ZNF208: variants seen among roughly 807,000 people sequenced by gnomAD.
The protein encoded by ZNF208 is zinc finger protein 95.
A neutral mutation model predicts 12.1 loss-of-function variants in ZNF208; 10 were observed. That is an observed-to-expected ratio of 0.83 (90% confidence interval 0.51 to 1.40). The LOEUF is 1.40. Among genes scored for constraint, ZNF208 ranks in the 40% most tolerant of loss-of-function variants. ZNF208 has a pLI of 0.00. For synonymous variants in ZNF208, 497 were observed against 488.4 expected (o/e 1.02, Z -0.23); for missense variants, 1,652 against 1,485.0 (o/e 1.11, Z -1.85).
chr19:21,990,359 C>G (rs541658269), intron 1 of ZNF208, among the ~76,000 whole-genome samples: 1 of 152,144 alleles, frequency 6.6e-6, no homozygotes, highest in African/African-American at 2.4e-5. Flanking sequence ...CCCATTACTT[C>G]TTTTTCTCAG....
At chr19:21,990,441 A>T (rs1266673395) in intron 1 of ZNF208, among the ~76,000 whole-genome samples, 2 of 24,572 alleles carry the variant, frequency 8.1e-5, no homozygotes, top group East Asian at 2.1e-3. Context: ...CCATTGATCT[A>T]TATCTCTGAT....
chr19:22,005,154 C>T (rs1324347100), intron 1 of ZNF208, among the ~76,000 whole-genome samples: 1 of 151,890 alleles, frequency 6.6e-6, no homozygotes, highest in Non-Finnish European at 1.5e-5. Flanking sequence ...TGGTTTTTGG[C>T]CAAAAAAACC....
At chr19:21,943,005 C>G (rs1325021831) in intron 4 of ZNF208, among the ~76,000 whole-genome samples, 1 of 152,152 alleles carries the variant, frequency 6.6e-6, no homozygotes, top group African/African-American at 2.4e-5. Flanking sequence ...GCACATTTAT[C>G]AAGTTGCTTG....
chr19:22,010,522 G>A (rs1971127186), intron 1 of ZNF208, among the ~76,000 whole-genome samples: 4 of 152,240 alleles, frequency 2.6e-5, no homozygotes. Context: ...ACATCTGGGA[G>A]AGACTCCGCG....
In ZNF208 at chr19:21,973,829, C is replaced by G; in HGVS notation, c.1205G>C (p.Cys402Ser). 1 of 1,613,572 alleles carries G rather than the reference C, an allele frequency of 6.2e-7. No individual in the cohort carries two copies. Among genetic ancestry groups the G allele is most frequent in the Non-Finnish European group, 8.5e-7 (1 of 1,179,882 alleles). The change falls in exon 4 of 4, where the codon TGT becomes TCT. Residue 402 changes from cysteine (C) to serine (S), a missense_variant. By Grantham distance (112) the Cys-to-Ser change is moderately radical. Transcript: ENST00000397126. ...TGEKPYKCEE[C>S]GKGFSMFSIL... is the part of the protein sequence containing the mutation. ...TGAGAACATACTAAAACCTTTGCCA[C>G]ATTCTTCACATTTGTAGGGTTTCTC...
chr19:21,946,489 T>C (rs1028203033), intron 4 of ZNF208, among the ~76,000 whole-genome samples: 3 of 152,210 alleles, frequency 2.0e-5, no homozygotes, highest in African/African-American at 4.8e-5. Flanking sequence ...GACTTTTTTC[T>C]TTTTGCATAT....
intron 1 of ZNF208, among the ~76,000 whole-genome samples, chr19:22,005,222 A>G (rs1356527829): frequency 1.3e-5 from 2 of 152,180 alleles, no homozygotes; most frequent in Non-Finnish European, 2.9e-5. Context: ...TCCAGAGAGG[A>G]GTGTGGACAC....
chr19:21,951,817 T>C (rs1020849279), intron 4 of ZNF208, among the ~76,000 whole-genome samples: 1 of 152,190 alleles, frequency 6.6e-6, no homozygotes, highest in African/African-American at 2.4e-5. Flanking sequence ...GTTCAGCCCA[T>C]GGAGGGTGAG....
rs145866703 is a variant in ZNF208 at position 22,002,543 on chromosome 19, A to G, written c.3+8249T>C. Among the ~76,000 whole-genome samples, 3 of 152,104 alleles carry G rather than the reference A, an allele frequency of 2.0e-5. No homozygotes were observed. The East Asian group carries it at 5.8e-4, about 29-fold the overall frequency. On this transcript the variant is annotated intron_variant, in intron 1 of 3. Coordinates refer to ENST00000397126, the MANE Select transcript of ZNF208 (RefSeq NM_007153.3). ...GTACAAAAATTAGTAGCAACCCTAT[A>G]TATCAAGAACACCTAGGCCAAATCC...
chr19:21,955,713 C>G (rs1243455641), intron 4 of ZNF208, among the ~76,000 whole-genome samples: 1 of 152,156 alleles, frequency 6.6e-6, no homozygotes, highest in African/African-American at 2.4e-5. Context: ...GCTGTTTATT[C>G]TAGTTAGCCA....
At chr19:21,995,994 G>A (rs1970830392) in intron 1 of ZNF208, among the ~76,000 whole-genome samples, 1 of 152,162 alleles carries the variant, frequency 6.6e-6, no homozygotes, top group African/African-American at 2.4e-5. Context: ...TCCCAGCAGA[G>A]GCCAGGTCTT....
chr19:21,972,718 A>G lies in ZNF208; in HGVS notation c.2316T>C (p.Thr772=), dbSNP rs7258270. 0.16 allele frequency: 250,495 copies of G among 1,610,542 alleles called. 21,551 individuals are homozygous for G. The highest frequency in any genetic ancestry group is 0.3 in the African/African-American group (22,678 of 74,366). Residue 772 remains threonine (T), a synonymous_variant, in exon 4 of 4, where the codon ACT becomes ACC. Coordinates refer to ENST00000397126, the MANE Select transcript of ZNF208 (RefSeq NM_007153.3). ...STLSYHKKIH[T]VEKPYKCEEC... ...CTTCACATTTGTAGGGTTTCTCTAC[A>G]GTATGAATTTTCTTATGATAACTAA... is the stretch of plus-strand genomic sequence containing the variant.
chr19:21,956,819 A>C (rs1175084120), intron 4 of ZNF208, among the ~76,000 whole-genome samples: 3 of 152,076 alleles, frequency 2.0e-5, no homozygotes, highest in Non-Finnish European at 4.4e-5. Flanking sequence ...GCTTCGGCTC[A>C]CACTCCATAG....
chr19:21,961,654 C>T (rs780121615), downstream of ZNF208, among the ~76,000 whole-genome samples: 2 of 152,132 alleles, frequency 1.3e-5, no homozygotes, highest in African/African-American at 2.4e-5. Flanking sequence ...ACTCCCAGAG[C>T]GGCTGTTTAT....
chr19:21,952,127 G>T (rs1969898826), intron 4 of ZNF208, among the ~76,000 whole-genome samples: 1 of 152,234 alleles, frequency 6.6e-6, no homozygotes, highest in Admixed American at 6.5e-5. Flanking sequence ...GGCTTGAGTA[G>T]CTAAACGAAG....
In ZNF208 at chr19:21,971,265, C is replaced by T. The variant is rs1970275265; in HGVS notation, c.3769G>A (p.Glu1257Lys). ...AACCAGCTGAAGGCTTTGCCACATT[C>T]TTCACATTTGTAGGGTTTCTCTCCA... ...HTGEKPYKCE[E>K]CGKAFSWLSV... The change falls in exon 4 of 4, where the codon GAA becomes AAA. Residue 1257 changes from glutamate to lysine, a missense_variant. Coordinates refer to ENST00000397126, the MANE Select transcript of ZNF208 (RefSeq NM_007153.3). The T allele has an allele frequency of 2.5e-6, 4 of 1,612,332 alleles. No homozygotes were observed. Among genetic ancestry groups the T allele is most frequent in the Non-Finnish European group, 2.5e-6 (3 of 1,179,944 alleles).
chr19:21,981,023 A>G (rs538406945), intron 3 of ZNF208, among the ~76,000 whole-genome samples: 1 of 152,316 alleles, frequency 6.6e-6, no homozygotes, highest in South Asian at 2.1e-4. Context: ...AAGAAGTCAA[A>G]TCCCTGAAGA....
At chr19:21,979,928 T>C (rs1054621673) in intron 3 of ZNF208, among the ~76,000 whole-genome samples, 7 of 152,164 alleles carry the variant, frequency 4.6e-5, no homozygotes, top group Admixed American at 1.3e-4. Context: ...GTTGCAATTC[T>C]AGTCTCTGAT....
intron 3 of ZNF208, among the ~76,000 whole-genome samples, chr19:21,981,972 T>C (rs1185078613): frequency 1.3e-5 from 2 of 151,894 alleles, no homozygotes; most frequent in South Asian, 2.1e-4. Context: ...ATAAAATACC[T>C]AGGAATACAA....
Sources: allele counts gnomAD v4.1 joint callset (sites outside exome capture counted in the v4.1 genomes callset), GRCh38; gene constraint gnomAD v4.1.1; transcripts MANE v1.5; gene names NCBI Gene and HGNC (gene_info 2026-07-23, HGNC 2026-07-21).